FRYL: variants seen among roughly 807,000 people sequenced by gnomAD.
The protein encoded by FRYL is FRY like transcription coactivator, also known as protein furry homolog-like.
Under a neutral mutation model 351.2 loss-of-function variants are expected in FRYL, and 150 were observed. The observed-to-expected ratio is 0.43, with a 90% confidence interval of 0.37 to 0.49. FRYL has a LOEUF of 0.49. Ranked by LOEUF, FRYL falls within the 20% of genes least tolerant of loss-of-function variation. FRYL has a pLI of 0.00. For missense variants in FRYL, 3,036 were observed against 3,619.3 expected (o/e 0.84, Z 4.13); for synonymous variants, 1,153 against 1,257.1 (o/e 0.92, Z 1.75).
intron 35 of FRYL, among the ~76,000 whole-genome samples, chr4:48,553,730 T>G (rs1733439522): frequency 1.3e-5 from 2 of 151,998 alleles, no homozygotes; most frequent in South Asian, 4.2e-4. Context: ...GGTAATAACA[T>G]CCTAAGATTT....
At chr4:48,581,327 T>C in intron 21 of FRYL, 93 bp downstream of exon 21, 1 of 1,101,988 alleles carries the variant, frequency 9.1e-7, no homozygotes, top group Non-Finnish European at 1.3e-6. Context: ...TTTAGACCCA[T>C]GGTAGTAACC....
At chr4:48,665,720 T>C (rs1485809948) in intron 3 of FRYL, among the ~76,000 whole-genome samples, 2 of 152,166 alleles carry the variant, frequency 1.3e-5, no homozygotes, top group African/African-American at 2.4e-5. Flanking sequence ...CAGAGCTGTT[T>C]TGAGCATGAA....
In FRYL at chr4:48,605,731, A is replaced by G; in HGVS notation, c.834+10T>C. The G allele has an allele frequency of 6.5e-7, 1 of 1,548,850 alleles. No homozygotes were observed. The highest frequency in any genetic ancestry group is 8.9e-7 in the Non-Finnish European group (1 of 1,123,472). On this transcript the variant is annotated intron_variant, in intron 11 of 63. Transcript: ENST00000358350. The stretch of plus-strand genomic sequence containing the variant: ...CACACAAATGGTATGAAAATAAGAA[A>G]AATACTTACAGCAGCTACAGGGATA...
At position 48,547,622 on chromosome 4, in the gene FRYL, G is replaced by A. The variant is rs1246839157; in HGVS notation, c.5036C>T (p.Thr1679Ile). ...ATCTAAGTGTGCAACTTGTTTGACT[G>A]TAAGCACCCTGGGCTCATTAAACTC... Reference protein sequence around the residue: ...NKEFNEPRVLTVKQVAHLDYN... With the variant: ...NKEFNEPRVLIVKQVAHLDYN... Residue 1679 changes from threonine (T) to isoleucine (I), a missense_variant, in exon 41 of 64, where the codon ACA becomes ATA. Around this residue, in one of 7 missense-constraint regions of FRYL, gnomAD observed 1,987 missense variants for 2,311.7 expected, o/e 0.86. Transcript: ENST00000358350. 1 of 1,588,702 alleles carries A rather than the reference G, an allele frequency of 6.3e-7. No individual in the cohort carries two copies. Among genetic ancestry groups the A allele is most frequent in the Non-Finnish European group, 8.6e-7 (1 of 1,163,540 alleles).
At chr4:48,588,900 G>A (rs150183590) in intron 18 of FRYL, among the ~76,000 whole-genome samples, 1 of 152,250 alleles carries the variant, frequency 6.6e-6, no homozygotes, top group East Asian at 1.9e-4. Context: ...CTATATAGGT[G>A]TCAGAGGAAC....
chr4:48,672,430 T>A (rs1261778101), intron 3 of FRYL, among the ~76,000 whole-genome samples: 1 of 152,174 alleles, frequency 6.6e-6, no homozygotes, highest in Non-Finnish European at 1.5e-5. Flanking sequence ...AATCTTCCAA[T>A]AATTACAGCC....
At chr4:48,571,178 G>T (rs1738236047) in intron 26 of FRYL, among the ~76,000 whole-genome samples, 1 of 152,136 alleles carries the variant, frequency 6.6e-6, no homozygotes, top group Admixed American at 6.5e-5. Flanking sequence ...ACATTTTTAG[G>T]TTATTTGCTA....
rs57457069 is a variant in FRYL at position 48,525,163 on chromosome 4, G to GTATATATA, written c.7318-2067_7318-2060dup. ...ATTCTTGCAACTTTTATTTTTAAAGGTATATATATATATATATATATATAT... is the reference window on the plus strand; with the variant it reads ...ATTCTTGCAACTTTTATTTTTAAAGGTATATATATATATATATATATATATATATATAT... On this transcript the variant is annotated intron_variant, in intron 53 of 63. Coordinates refer to ENST00000358350, the MANE Select transcript of FRYL (RefSeq NM_015030.2). 1.5e-3 allele frequency among the ~76,000 whole-genome samples: 210 copies of GTATATATA among 139,866 alleles called. 2 individuals are homozygous for GTATATATA. The highest frequency in any genetic ancestry group is 5.6e-3 in the African/African-American group (199 of 35,256). The allele number at this position is 139,866 out of a possible 152,430, so 91.8% of individuals were successfully genotyped here. A position where few individuals can be genotyped will look rare whatever the true frequency, so the allele number is the denominator to read the frequency against.
At chr4:48,666,204 T>TA (rs1761688244) in intron 3 of FRYL, among the ~76,000 whole-genome samples, 1 of 151,534 alleles carries the variant, frequency 6.6e-6, no homozygotes, top group South Asian at 2.1e-4. Flanking sequence ...TCTACTAAAA[T>TA]AAAAAACCAA....
chr4:48,565,194 A>T, intron 29 of FRYL, 151 bp from the exon 30 acceptor site: 1 of 515,246 alleles, frequency 1.9e-6, no homozygotes, highest in East Asian at 3.2e-5. Context: ...ATTTATTATG[A>T]GTAAGTAAAT....
At chr4:48,691,813 G>A (rs1035127078) in intron 2 of FRYL, among the ~76,000 whole-genome samples, 2 of 152,026 alleles carry the variant, frequency 1.3e-5, no homozygotes, top group African/African-American at 4.8e-5. Context: ...ATTAAACACT[G>A]TATACACTGT....
chr4:48,623,812 AAAAC>A (rs1183788445), intron 4 of FRYL, among the ~76,000 whole-genome samples: 1 of 152,194 alleles, frequency 6.6e-6, no homozygotes, highest in Admixed American at 6.6e-5. Flanking sequence ...AAGTTAAAAA[AAAAC>A]AAAGAAATAC....
chr4:48,543,743 TG>T, intron 44 of FRYL, 63 bp downstream of exon 44: 1 of 1,417,494 alleles, frequency 7.1e-7, no homozygotes, highest in Non-Finnish European at 9.7e-7. Context: ...GCAATCTATA[TG>T]GACAATAAAT....
rs138284952 is a variant in FRYL, at chr4:48,698,156, G to A, written c.-204+12363C>T. On this transcript the variant is annotated intron_variant, in intron 2 of 63. Coordinates refer to ENST00000358350, the MANE Select transcript of FRYL (RefSeq NM_015030.2). ...GAAGTTACCTAAATATGTTCAAGCT[G>A]CAACCAGGTACAAAGGAGACAGTCA... Among the ~76,000 whole-genome samples the A allele has an allele frequency of 1.0e-3, 157 of 152,288 alleles. 1 individual carries two copies. Among genetic ancestry groups the A allele is most frequent in the African/African-American group, 3.7e-3 (152 of 41,564 alleles).
intron 20 of FRYL, 123 bp downstream of exon 20, chr4:48,582,374 A>C (rs2149166136): frequency 1.5e-6 from 1 of 660,350 alleles, no homozygotes; most frequent in Non-Finnish European, 2.6e-6. Context: ...GATTAGGAAC[A>C]CATTGAGAGT....
chr4:48,691,697 A>G (rs929913774), intron 2 of FRYL, among the ~76,000 whole-genome samples: 1 of 152,206 alleles, frequency 6.6e-6, no homozygotes, highest in Non-Finnish European at 1.5e-5. Flanking sequence ...ATTTCCCAAA[A>G]AAGTAATGAA....
intron 21 of FRYL, 145 bp downstream of exon 21, chr4:48,581,275 G>C (rs754816788): frequency 1.6e-6 from 1 of 622,184 alleles, no homozygotes; most frequent in Non-Finnish European, 2.7e-6. Flanking sequence ...CTGATCTCGT[G>C]ATCCGCCCGA....
intron 55 of FRYL, among the ~76,000 whole-genome samples, 186 bp from the exon 56 acceptor site, chr4:48,515,461 A>C (rs1465838984): frequency 2.0e-5 from 3 of 152,134 alleles, no homozygotes; most frequent in Non-Finnish European, 2.9e-5. Context: ...TCCGCCTCTC[A>C]GGTTCAAGCG....
intron 2 of FRYL, among the ~76,000 whole-genome samples, chr4:48,691,444 A>G (rs192655383): frequency 1.8e-4 from 27 of 152,296 alleles, no homozygotes; most frequent in Admixed American, 5.9e-4. Context: ...ATACATTTTT[A>G]CAAAGTGAAA....
Sources: gnomAD v4.1 joint callset for allele counts (sites outside exome capture counted in the v4.1 genomes callset) on GRCh38, gnomAD v4.1.1 for gene constraint, gnomAD v4.1.1 regional missense constraint, MANE v1.5 for transcripts, NCBI Gene and HGNC (gene_info 2026-07-23, HGNC 2026-07-21) for gene names.